The following CMIP variants were observed in gnomAD, a reference collection of about 807,000 sequenced individuals.
CMIP encodes the protein C-Maf-inducing protein.
A neutral mutation model predicts 97.3 loss-of-function variants in CMIP; 13 were observed. The observed-to-expected ratio is 0.13, with a 90% CI of 0.09 to 0.21. CMIP has a LOEUF of 0.21. CMIP is among the 10% of genes least tolerant of loss of function. CMIP has a pLI of 1.00. For missense variants in CMIP, 847 were observed against 1,024.9 expected, an observed-to-expected ratio of 0.83 and a Z score of 2.37; for synonymous variants, 538 against 436.3, an observed-to-expected ratio of 1.23 and a Z score of -2.91.
chr16:81,710,224 C>G lies in CMIP; in HGVS notation c.*425C>G, dbSNP rs1294115846. The G allele has an allele frequency of 4.5e-6, 1 of 221,892 alleles. No individual in the cohort carries two copies. The highest frequency in any genetic ancestry group is 2.3e-5 in the African/African-American group (1 of 43,956). 13.7% of individuals were successfully genotyped at this position (221,892 alleles called of 1,614,324 possible). ...TTCCTAGAGGCTCCGAGCTGAGCTG[C>G]GAACTCGCCCCCCGCCCTTGGGACA... On this transcript the variant is annotated 3_prime_UTR_variant, in exon 21 of 21. Transcript: ENST00000537098.
intron 3 of CMIP, among the ~76,000 whole-genome samples, chr16:81,650,165 C>T (rs1014951148): frequency 9.9e-5 from 15 of 152,208 alleles, no homozygotes; most frequent in Admixed American, 2.6e-4. Flanking sequence ...CACTCACCCC[C>T]GACAACTTGT....
intron 1 of CMIP, among the ~76,000 whole-genome samples, chr16:81,513,789 G>C (rs541473439): frequency 1.3e-5 from 2 of 152,362 alleles, no homozygotes; most frequent in East Asian, 3.9e-4. Context: ...TTACTTCCTG[G>C]TGTGAATATT....
At chr16:81,553,721 C>T (rs1175111941) in intron 1 of CMIP, among the ~76,000 whole-genome samples, 3 of 152,236 alleles carry the variant, frequency 2.0e-5, no homozygotes, top group Non-Finnish European at 2.9e-5. Context: ...TTCTCTTTCC[C>T]GTGCCCTCGC....
intron 1 of CMIP, among the ~76,000 whole-genome samples, chr16:81,555,683 C>T (rs1312891092): frequency 6.6e-6 from 1 of 152,182 alleles, no homozygotes; most frequent in African/African-American, 2.4e-5. Flanking sequence ...CATGGGTCCC[C>T]ACCAGGGTAT....
chr16:81,587,884 T>TGTGC (rs2150914202), intron 1 of CMIP, among the ~76,000 whole-genome samples: 1 of 152,294 alleles, frequency 6.6e-6, no homozygotes, highest in East Asian at 1.9e-4. Flanking sequence ...GGACAGCCAG[T>TGTGC]GTGCGGGTGC....
intron 3 of CMIP, chr16:81,645,326 C>T (rs1238274800): frequency 2.1e-5 from 28 of 1,347,222 alleles, no homozygotes; most frequent in Non-Finnish European, 2.6e-5. Context: ...CCTCTCTTCA[C>T]GACAGGTGGT....
chr16:81,539,967 T>G (rs1334888350), intron 1 of CMIP, among the ~76,000 whole-genome samples: 1 of 152,230 alleles, frequency 6.6e-6, no homozygotes, highest in African/African-American at 2.4e-5. Context: ...TGGGCCTGGA[T>G]GTAGCAGGGA....
chr16:81,514,033 A>G (rs1410874457), intron 1 of CMIP, among the ~76,000 whole-genome samples: 1 of 128,166 alleles, frequency 7.8e-6, no homozygotes, highest in East Asian at 3.3e-4. Flanking sequence ...AAAGAAAAAC[A>G]ACAAAAACAA....
rs775691924 is a variant in CMIP at position 81,678,569 on chromosome 16, C to T, written c.1329C>T (p.Ile443=). ...MVSPACSTMS[I]ELGPQADRTL... is the part of the protein sequence containing the mutation. ...GCCCCGCCTGCAGCACCATGAGCAT[C>T]GAGCTGGGCCCCCAGGCCGACCGCA... The change falls in exon 10 of 21, where the codon ATC becomes ATT. Residue 443 remains isoleucine (I), a synonymous_variant. Transcript: ENST00000537098. The T allele has an allele frequency of 2.1e-5, 33 of 1,607,458 alleles. No homozygotes were observed. In the Middle Eastern group the frequency reaches 6.6e-4, roughly 32 times the overall value.
chr16:81,607,594 T>A lies in CMIP; in HGVS notation c.328T>A (p.Ser110Thr). The change falls in exon 2 of 21, where the codon TCC becomes ACC. Residue 110 changes from serine (S) to threonine (T), a missense_variant. Around this residue, in one of 4 missense-constraint regions of CMIP, gnomAD observed 285 missense variants for 392.2 expected, o/e 0.73. Transcript: ENST00000537098. ...AACTGGGTACATGGAAAACTCAGTC[T>A]CCTACAGCGCAATTGAAGACGTTCA... ...TPTGYMENSV[S>T]YSAIEDVQLL... 6.2e-7 allele frequency: 1 copy of A among 1,614,008 alleles called. No individual in the cohort carries two copies. Among genetic ancestry groups the A allele is most frequent in the East Asian group, 2.2e-5 (1 of 44,890 alleles).
At chr16:81,454,820 G>T (rs1240166314) in intron 1 of CMIP, among the ~76,000 whole-genome samples, 2 of 152,184 alleles carry the variant, frequency 1.3e-5, no homozygotes, top group African/African-American at 4.8e-5. Context: ...ATGGGGGTGG[G>T]GAGTTTCAGG....
rs1906729963 is a variant in CMIP, at chr16:81,696,474, CT to C, written c.1531-83del. On this transcript the variant is annotated intron_variant, in intron 13 of 20. Transcript: ENST00000537098. Reference sequence around the variant, plus strand: ...TCTTGACTGCAGGACTTGCCTGAGCCTTTCCCATTCATGTGTGCAGATCATG... The same window carrying C: ...TCTTGACTGCAGGACTTGCCTGAGCCTTCCCATTCATGTGTGCAGATCATG... The C allele has an allele frequency of 4.4e-6, 6 of 1,350,486 alleles. No homozygotes were observed. In the African/African-American group the frequency reaches 8.6e-5, roughly 19 times the overall value. The allele number at this position is 1,350,486 out of a possible 1,614,324, so 83.7% of individuals were successfully genotyped here.
intron 1 of CMIP, among the ~76,000 whole-genome samples, chr16:81,474,342 C>T (rs1428078629): frequency 2.0e-5 from 3 of 152,076 alleles, no homozygotes; most frequent in Non-Finnish European, 2.9e-5. Context: ...CCTTCTTTCT[C>T]CTGCACCCTC....
At chr16:81,694,481 T>C (rs1286209194) in intron 13 of CMIP, among the ~76,000 whole-genome samples, 6 of 152,124 alleles carry the variant, frequency 3.9e-5, no homozygotes, top group Non-Finnish European at 7.4e-5. Context: ...TGGAGCATGG[T>C]GTTTGAGAAG....
intron 1 of CMIP, among the ~76,000 whole-genome samples, chr16:81,583,231 G>T (rs1433989129): frequency 6.6e-6 from 1 of 152,214 alleles, no homozygotes; most frequent in Non-Finnish European, 1.5e-5. Context: ...CCTATTGACG[G>T]CGACAGCATT....
intron 1 of CMIP, among the ~76,000 whole-genome samples, chr16:81,538,755 A>C (rs1448178717): frequency 1.3e-5 from 2 of 152,208 alleles, no homozygotes; most frequent in African/African-American, 4.8e-5. Flanking sequence ...ATTAAGTTCA[A>C]AATAGCACGT....
intron 1 of CMIP, among the ~76,000 whole-genome samples, chr16:81,603,089 T>G (rs1222501122): frequency 2.0e-5 from 3 of 152,036 alleles, no homozygotes; most frequent in Non-Finnish European, 4.4e-5. Context: ...TTGGTTTTGT[T>G]TTGTTTTTGA....
At chr16:81,586,724 C>G (rs368973213) in intron 1 of CMIP, among the ~76,000 whole-genome samples, 1 of 152,220 alleles carries the variant, frequency 6.6e-6, no homozygotes, top group Non-Finnish European at 1.5e-5. Context: ...CCTCGGGCTC[C>G]TCTGCCTCCA....
rs558656508 is a variant in CMIP, at chr16:81,453,969, A to G, written c.300+8428A>G. ...AGAGGAGAGCATGGAAGCGATGACT[A>G]CTCCCACCCCAGCATCCTTGGGATG... is the stretch of plus-strand genomic sequence containing the variant. On this transcript the variant is annotated intron_variant, in intron 1 of 20. Transcript: ENST00000537098. This position sits in a 1 kb window ranked among gnomAD's most constrained non-coding sequence, Gnocchi z 4.0. Among the ~76,000 whole-genome samples the G allele has an allele frequency of 2.0e-5, 3 of 151,946 alleles. No homozygotes were observed. Among genetic ancestry groups the G allele is most frequent in the Non-Finnish European group, 2.9e-5 (2 of 67,954 alleles).
Sources: allele counts gnomAD v4.1 joint callset (sites outside exome capture counted in the v4.1 genomes callset), GRCh38; gene constraint gnomAD v4.1.1; regional missense constraint gnomAD v4.1.1; non-coding constraint Gnocchi (gnomAD v3.1); transcripts MANE v1.5; gene names NCBI Gene and HGNC (gene_info 2026-07-23, HGNC 2026-07-21).